The following COL25A1 variants were observed in gnomAD, a reference collection of about 807,000 sequenced individuals.
The protein encoded by COL25A1 is collagen alpha-1(XXV) chain.
A neutral mutation model predicts 128.4 loss-of-function variants in COL25A1; 103 were observed. The ratio of observed to expected loss-of-function variants is 0.80; its 90% CI spans 0.68 to 0.94. COL25A1 has a LOEUF of 0.94. Ranked by LOEUF, COL25A1 falls within the 40% of genes least tolerant of loss-of-function variation. The probability of loss-of-function intolerance (pLI) is 0.00; values close to 1 mark genes in which losing one functional copy is unlikely to be tolerated. For synonymous variants in COL25A1, 279 were observed against 277.2 expected (o/e 1.01, Z -0.06); for missense variants, 745 against 840.0 (o/e 0.89, Z 1.40).
intron 3 of COL25A1, among the ~76,000 whole-genome samples, chr4:109,103,271 T>C (rs1207734929): frequency 6.6e-6 from 1 of 152,230 alleles, no homozygotes; most frequent in African/African-American, 2.4e-5. Flanking sequence ...CACCAAATTA[T>C]ATTTTTAAAA....
At chr4:109,296,738 C>A (rs1250904138) in intron 3 of COL25A1, among the ~76,000 whole-genome samples, 1 of 152,102 alleles carries the variant, frequency 6.6e-6, no homozygotes, top group Non-Finnish European at 1.5e-5. Context: ...CATCCACATT[C>A]TTCGTTCATT....
At chr4:108,860,211 A>G (rs1384321461) in intron 23 of COL25A1, among the ~76,000 whole-genome samples, 1 of 152,038 alleles carries the variant, frequency 6.6e-6, no homozygotes, top group Non-Finnish European at 1.5e-5. Context: ...TCCTGTGTTC[A>G]AGCAATTCTC....
intron 3 of COL25A1, among the ~76,000 whole-genome samples, chr4:109,262,185 A>G (rs915447623): frequency 2.0e-5 from 3 of 152,050 alleles, no homozygotes; most frequent in Admixed American, 1.3e-4. Context: ...TTTACCTACT[A>G]TATGTTTAAA....
chr4:108,846,511 T>C (rs1421035838), intron 27 of COL25A1, among the ~76,000 whole-genome samples: 1 of 152,250 alleles, frequency 6.6e-6, no homozygotes, highest in Non-Finnish European at 1.5e-5. Context: ...ACCTGGCAGC[T>C]AATTCTATCT....
intron 3 of COL25A1, among the ~76,000 whole-genome samples, chr4:109,171,661 A>G (rs1773599664): frequency 1.3e-5 from 2 of 152,224 alleles, no homozygotes; most frequent in South Asian, 4.1e-4. Context: ...TTCCAAGGTA[A>G]GTGCTGTATT....
chr4:109,138,231 T>C (rs1239605779), intron 3 of COL25A1, among the ~76,000 whole-genome samples: 3 of 152,106 alleles, frequency 2.0e-5, no homozygotes, highest in Non-Finnish European at 4.4e-5. Flanking sequence ...ATGAGAACAC[T>C]TGGTGTTTGG....
At chr4:109,036,218 T>C (rs9307327) in intron 5 of COL25A1, among the ~76,000 whole-genome samples, 4,578 of 152,022 alleles carry the variant, frequency 0.03, 177 homozygotes, top group African/African-American at 0.089. Flanking sequence ...TGAGCTACCA[T>C]GCCCGGCCCA....
At chr4:109,045,533 A>G (rs1316834066) in intron 5 of COL25A1, among the ~76,000 whole-genome samples, 2 of 152,196 alleles carry the variant, frequency 1.3e-5, no homozygotes, top group Non-Finnish European at 2.9e-5. Flanking sequence ...CACCTACTCT[A>G]AAGCAAAATT....
intron 3 of COL25A1, among the ~76,000 whole-genome samples, chr4:109,235,935 C>T (rs1338504562): frequency 6.6e-6 from 1 of 152,002 alleles, no homozygotes; most frequent in African/African-American, 2.4e-5. Context: ...TGGAATCTCC[C>T]TGTGACACAG....
chr4:108,847,358 CTTTT>C (rs908904822), intron 27 of COL25A1, among the ~76,000 whole-genome samples: 2 of 151,970 alleles, frequency 1.3e-5, no homozygotes, highest in African/African-American at 2.4e-5. Context: ...ACCTGTTTAT[CTTTT>C]TTTTATTAAA....
chr4:109,283,813 T>A (rs1723612781), intron 3 of COL25A1, among the ~76,000 whole-genome samples: 1 of 152,218 alleles, frequency 6.6e-6, no homozygotes, highest in South Asian at 2.1e-4. Flanking sequence ...GAGAAACACT[T>A]TCTTTACTAA....
intron 3 of COL25A1, among the ~76,000 whole-genome samples, chr4:109,285,893 T>C (rs988505348): frequency 2.7e-5 from 4 of 147,574 alleles, no homozygotes; most frequent in South Asian, 2.1e-4. Flanking sequence ...TTTTGTCTGT[T>C]TGAGAGTGAT....
At chr4:108,979,973 C>G (rs1198257217) in intron 6 of COL25A1, among the ~76,000 whole-genome samples, 1 of 152,078 alleles carries the variant, frequency 6.6e-6, no homozygotes, top group Non-Finnish European at 1.5e-5. Context: ...GCGAAGCAGG[C>G]CCGGGGGGAA....
rs534910641 is a variant in COL25A1, at chr4:108,978,105, A to G, written c.439-3546T>C. Among the ~76,000 whole-genome samples the G allele has an allele frequency of 8.5e-5, 13 of 152,316 alleles. No individual in the cohort carries two copies. In the South Asian group the frequency reaches 2.5e-3, roughly 29 times the overall value. Reference sequence around the variant, plus strand: ...CGTATCAACTAGAGTTCTTTAGCCAACTTGCCCTGAGCAAGAATGCTTAAT... The same window carrying G: ...CGTATCAACTAGAGTTCTTTAGCCAGCTTGCCCTGAGCAAGAATGCTTAAT... On this transcript the variant is annotated intron_variant, in intron 6 of 37. Transcript: ENST00000399132.
intron 11 of COL25A1, among the ~76,000 whole-genome samples, chr4:108,934,684 A>T (rs1747197299): frequency 6.6e-6 from 1 of 152,176 alleles, no homozygotes; most frequent in African/African-American, 2.4e-5. Context: ...AAAATATAGA[A>T]ATTCAGTTTG....
chr4:108,833,005 C>CTAAATAAATAAATA (rs1560716834), intron 31 of COL25A1, among the ~76,000 whole-genome samples: 1 of 4,888 alleles, frequency 2.0e-4, no homozygotes, highest in Non-Finnish European at 6.2e-4. Flanking sequence ...ATAAATAAAG[C>CTAAATAAATAAATA]ATCTTCACTT....
chr4:109,019,398 A>ATATATATATATATATATAT (rs1757522308), intron 5 of COL25A1, among the ~76,000 whole-genome samples: 1 of 134,264 alleles, frequency 7.4e-6, no homozygotes, highest in Non-Finnish European at 1.6e-5. Context: ...ATATATATAT[A>ATATATATATATATATATAT]TTTATATGTG....
chr4:109,048,180 G>C lies in COL25A1; in HGVS notation c.413-5C>G. 3 of 1,611,836 alleles carry C rather than the reference G, an allele frequency of 1.9e-6. No individual in the cohort carries two copies. The highest frequency in any genetic ancestry group is 2.5e-6 in the Non-Finnish European group (3 of 1,178,168). Reference sequence around the variant, plus strand: ...CAAACATACTTACAGGAGGACCTATGGGGGGAGCAGGTGGAGAGAGAAGAG... The same window carrying C: ...CAAACATACTTACAGGAGGACCTATCGGGGGAGCAGGTGGAGAGAGAAGAG... On this transcript the variant is annotated splice_polypyrimidine_tract_variant and splice_region_variant and intron_variant, in intron 4 of 37. Transcript: ENST00000399132.
intron 31 of COL25A1, among the ~76,000 whole-genome samples, chr4:108,837,381 G>A (rs565259761): frequency 1.3e-5 from 2 of 152,074 alleles, no homozygotes; most frequent in South Asian, 2.1e-4. Flanking sequence ...CATATTAAAG[G>A]CTTGAAATTA....
Sources: gnomAD v4.1 joint callset for allele counts (sites outside exome capture counted in the v4.1 genomes callset) on GRCh38, gnomAD v4.1.1 for gene constraint, MANE v1.5 for transcripts, NCBI Gene and HGNC (gene_info 2026-07-23, HGNC 2026-07-21) for gene names.